NNT: variants seen among roughly 807,000 people sequenced by gnomAD.
NNT encodes NAD(P) transhydrogenase, mitochondrial.
A neutral mutation model predicts 104.8 loss-of-function variants in NNT; 50 were observed. The ratio of observed to expected loss-of-function variants is 0.48; its 90% CI spans 0.38 to 0.60. NNT has a LOEUF of 0.60. Ranked by LOEUF, NNT falls within the 20% of genes least tolerant of loss-of-function variation. The probability of loss-of-function intolerance (pLI) is 0.00; values close to 1 mark genes in which losing one functional copy is unlikely to be tolerated. For synonymous variants in NNT, 461 were observed against 490.4 expected, an observed-to-expected ratio of 0.94 and a Z score of 0.79; for missense variants, 1,131 against 1,330.7, an observed-to-expected ratio of 0.85 and a Z score of 2.33.
chr5:43,634,485 T>C (rs1411015795), intron 7 of NNT, among the ~76,000 whole-genome samples: 1 of 152,218 alleles, frequency 6.6e-6, no homozygotes, highest in East Asian at 1.9e-4. Flanking sequence ...TGCATTATGA[T>C]CATAAAGGAC....
At chr5:43,626,939 A>G (rs1321368423) in intron 6 of NNT, among the ~76,000 whole-genome samples, 1 of 152,080 alleles carries the variant, frequency 6.6e-6, no homozygotes, top group Non-Finnish European at 1.5e-5. Context: ...ATTGGTAGAC[A>G]ATTCTGAAGC....
intron 17 of NNT, among the ~76,000 whole-genome samples, chr5:43,673,449 T>G (rs909931300): frequency 3.9e-5 from 6 of 152,192 alleles, no homozygotes; most frequent in Admixed American, 6.5e-5. Context: ...GACTCTTTTT[T>G]TAAAAAAGTT....
Position 43,655,947 on chromosome 5 carries a change from A to T in NNT, c.2167A>T (p.Ile723Phe). 1 of 1,614,204 alleles carries T rather than the reference A, an allele frequency of 6.2e-7. No individual in the cohort carries two copies. Among genetic ancestry groups the T allele is most frequent in the Non-Finnish European group, 8.5e-7 (1 of 1,180,012 alleles). ...TGTACTTACTTGCATAGCTGAGTAC[A>T]TTATAGAATATCCACATTTTGCTAC... ...AAVLTCIAEY[I>F]IEYPHFATDA... Residue 723 changes from isoleucine to phenylalanine, a missense_variant, in exon 15 of 22, where the codon ATT becomes TTT. Coordinates refer to ENST00000344920, the MANE Select transcript of NNT (RefSeq NM_182977.3).
intron 17 of NNT, among the ~76,000 whole-genome samples, chr5:43,674,818 G>A (rs976590620): frequency 9.2e-5 from 14 of 152,088 alleles, no homozygotes; most frequent in African/African-American, 3.4e-4. Context: ...AGCATGAGAA[G>A]TTCATTTATT....
chr5:43,627,105 A>G (rs1431013904), intron 6 of NNT, among the ~76,000 whole-genome samples: 1 of 152,092 alleles, frequency 6.6e-6, no homozygotes, highest in East Asian at 1.9e-4. Context: ...GCTATCAAGG[A>G]CCAGTTTCTG....
rs545799145 is a variant in NNT, at chr5:43,648,987, C to G, written c.1445-160C>G. Among the ~76,000 whole-genome samples, 4 of 152,248 alleles carry G rather than the reference C, an allele frequency of 2.6e-5. No individual in the cohort carries two copies. The East Asian group carries it at 7.7e-4, about 29-fold the overall frequency. ...TTTGTCCACAGTATTCCTCCATCCC[C>G]CCACTTCTCAACTGTCAAATGTCTA... On this transcript the variant is annotated intron_variant, in intron 10 of 21. Transcript: ENST00000344920.
chr5:43,684,928 T>G (rs1741904274), intron 19 of NNT, among the ~76,000 whole-genome samples: 1 of 152,166 alleles, frequency 6.6e-6, no homozygotes, highest in African/African-American at 2.4e-5. Context: ...GAGACCCTCC[T>G]CAGAATGTAA....
intron 18 of NNT, 59 bp from the exon 19 acceptor site, chr5:43,677,666 A>G: frequency 7.0e-7 from 1 of 1,426,784 alleles, no homozygotes; most frequent in Non-Finnish European, 9.9e-7. Context: ...GAGAAGTTGT[A>G]CTTCATGTAA....
At chr5:43,681,039 C>T (rs1741681119) in intron 19 of NNT, among the ~76,000 whole-genome samples, 1 of 151,634 alleles carries the variant, frequency 6.6e-6, no homozygotes. Flanking sequence ...GGCAGGCAGA[C>T]CAAGAGGTCA....
intron 9 of NNT, 109 bp from the exon 10 acceptor site, chr5:43,645,248 A>G: frequency 1.9e-6 from 1 of 534,764 alleles, no homozygotes; most frequent in South Asian, 6.7e-5. Context: ...ATATATTTAC[A>G]TAAAATTATA....
At chr5:43,649,930 T>G (rs1028162916) in intron 11 of NNT, among the ~76,000 whole-genome samples, 2 of 152,226 alleles carry the variant, frequency 1.3e-5, no homozygotes, top group Non-Finnish European at 2.9e-5. Flanking sequence ...CTGTCCTGGC[T>G]TGAAAGCCTC....
At chr5:43,613,175 T>G in intron 3 of NNT, 38 bp downstream of exon 3, 5 of 1,450,868 alleles carry the variant, frequency 3.4e-6, no homozygotes, top group Non-Finnish European at 3.8e-6. Context: ...TACAGCATGC[T>G]GACTTTTTGA....
chr5:43,696,582 G>A (rs1286481981), intron 19 of NNT, among the ~76,000 whole-genome samples: 12 of 152,160 alleles, frequency 7.9e-5, no homozygotes, highest in African/African-American at 1.2e-4. Flanking sequence ...TAGGTGATCC[G>A]ACCCCACATT....
At chr5:43,697,047 G>A (rs968389986) in intron 19 of NNT, among the ~76,000 whole-genome samples, 9 of 152,194 alleles carry the variant, frequency 5.9e-5, no homozygotes, top group African/African-American at 2.2e-4. Flanking sequence ...TCTGTAGCTG[G>A]CTTGAATTTC....
intron 7 of NNT, among the ~76,000 whole-genome samples, chr5:43,637,372 A>G (rs945240431): frequency 2.0e-5 from 3 of 152,178 alleles, no homozygotes; most frequent in Non-Finnish European, 4.4e-5. Context: ...TATCATTGGT[A>G]ACATTTTAAA....
intron 4 of NNT, among the ~76,000 whole-genome samples, chr5:43,618,818 G>A (rs945491423): frequency 2.1e-4 from 32 of 152,152 alleles, no homozygotes; most frequent in African/African-American, 7.7e-4. Context: ...ATGGGATGAA[G>A]ACAGTAATTG....
chr5:43,607,548 C>T (rs1156714514), intron 1 of NNT, among the ~76,000 whole-genome samples: 2 of 152,212 alleles, frequency 1.3e-5, no homozygotes, highest in Non-Finnish European at 2.9e-5. Context: ...TGAAAATAAA[C>T]AGCCTTGTTG....
chr5:43,694,887 T>A (rs1742480264), intron 19 of NNT, among the ~76,000 whole-genome samples: 1 of 152,126 alleles, frequency 6.6e-6, no homozygotes, highest in Non-Finnish European at 1.5e-5. Context: ...TGGTACCAGC[T>A]CTTCTTTGTA....
intron 17 of NNT, among the ~76,000 whole-genome samples, chr5:43,672,282 C>T (rs1741147683): frequency 6.6e-6 from 1 of 152,222 alleles, no homozygotes; most frequent in Non-Finnish European, 1.5e-5. Flanking sequence ...CTTCTCTCAA[C>T]TTGTCAAAGT....
Sources: gnomAD v4.1 joint callset for allele counts (sites outside exome capture counted in the v4.1 genomes callset) on GRCh38, gnomAD v4.1.1 for gene constraint, MANE v1.5 for transcripts, NCBI Gene and HGNC (gene_info 2026-07-23, HGNC 2026-07-21) for gene names.